The following ANKRD11 variants were observed in gnomAD, a reference collection of about 807,000 sequenced individuals.
The protein encoded by ANKRD11 is ankyrin repeat domain-containing protein 11.
In ANKRD11, 17 loss-of-function variants were observed where a neutral mutation model predicts 195.7. The observed-to-expected ratio is 0.09, with a 90% CI of 0.06 to 0.13. The LOEUF is 0.13. ANKRD11 is among the 10% of genes least tolerant of loss of function. ANKRD11 has a pLI of 1.00. For synonymous variants in ANKRD11, 1,953 were observed against 1,528.1 expected (o/e 1.28, Z -6.49); for missense variants, 3,735 against 3,566.1 (o/e 1.05, Z -1.21).
intron 2 of ANKRD11, among the ~76,000 whole-genome samples, chr16:89,359,555 T>C (rs562199196): frequency 1.3e-5 from 2 of 152,332 alleles, no homozygotes; most frequent in South Asian, 4.1e-4. Flanking sequence ...TCTTGATTCT[T>C]CAGGCTAATC....
At chr16:89,445,345 A>G (rs967801827) in intron 1 of ANKRD11, among the ~76,000 whole-genome samples, 1 of 152,178 alleles carries the variant, frequency 6.6e-6, no homozygotes, top group Non-Finnish European at 1.5e-5. Flanking sequence ...CCACTGGCTG[A>G]GCAAATTCAG....
chr16:89,436,409 G>A (rs1597397279), intron 1 of ANKRD11, among the ~76,000 whole-genome samples: 1 of 117,856 alleles, frequency 8.5e-6, no homozygotes, highest in South Asian at 2.8e-4. Context: ...AGTGAGACTC[G>A]GTCTCAAAAA....
At chr16:89,327,299 T>C (rs1195580212) in intron 2 of ANKRD11, among the ~76,000 whole-genome samples, 2 of 151,162 alleles carry the variant, frequency 1.3e-5, no homozygotes, top group South Asian at 2.1e-4. Context: ...AAAACAGGAG[T>C]GTGGAGAAAC....
At chr16:89,272,250 C>T (rs1277219522) in intron 11 of ANKRD11, 6 of 152,182 alleles carry the variant, frequency 3.9e-5, no homozygotes, top group Non-Finnish European at 7.4e-5. Flanking sequence ...ATCACAATTG[C>T]TCGCGAGGAT....
chr16:89,463,364 A>T (rs952897211), intron 1 of ANKRD11, among the ~76,000 whole-genome samples: 8 of 152,290 alleles, frequency 5.3e-5, no homozygotes, highest in African/African-American at 1.7e-4. Context: ...TTGATCTGTG[A>T]CCTTGCCCCC....
At chr16:89,313,667 C>A in intron 3 of ANKRD11, 1 of 1,198,250 alleles carries the variant, frequency 8.3e-7, no homozygotes, top group Non-Finnish European at 1.1e-6. Context: ...TGAGCAGAAA[C>A]CATTTCAGCC....
intron 2 of ANKRD11, among the ~76,000 whole-genome samples, chr16:89,389,911 T>C (rs1410162549): frequency 2.4e-5 from 1 of 41,502 alleles, no homozygotes; most frequent in Non-Finnish European, 4.3e-5. Flanking sequence ...CCGAGAGAGA[T>C]CACTGGGGCG....
At chr16:89,311,858 A>C (rs566950828) in intron 3 of ANKRD11, among the ~76,000 whole-genome samples, 37 of 152,108 alleles carry the variant, frequency 2.4e-4, no homozygotes, top group Non-Finnish European at 4.4e-4. Flanking sequence ...TTTTTGCTTT[A>C]TTCTAATAAT....
chr16:89,352,872 T>G (rs2039286751), intron 2 of ANKRD11, among the ~76,000 whole-genome samples: 1 of 152,216 alleles, frequency 6.6e-6, no homozygotes, highest in African/African-American at 2.4e-5. Flanking sequence ...CTTTCCCTCT[T>G]TTCTCTCACG....
chr16:89,461,423 ATT>A (rs2056665012), intron 1 of ANKRD11, among the ~76,000 whole-genome samples: 1 of 152,120 alleles, frequency 6.6e-6, no homozygotes, highest in African/African-American at 2.4e-5. Flanking sequence ...CAAATGGTCA[ATT>A]TTATACTGCT....
intron 2 of ANKRD11, among the ~76,000 whole-genome samples, chr16:89,397,999 G>A (rs1261531266): frequency 1.3e-5 from 2 of 152,236 alleles, no homozygotes; most frequent in East Asian, 3.8e-4. Context: ...ACCACAAAGC[G>A]CCTGTCACCA....
chr16:89,283,861 G>T lies in ANKRD11; in HGVS notation c.2681C>A (p.Ala894Asp), dbSNP rs748150580. 4 of 1,614,000 alleles carry T rather than the reference G, an allele frequency of 2.5e-6. No homozygotes were observed. Among genetic ancestry groups the T allele is most frequent in the Non-Finnish European group, 2.5e-6 (3 of 1,180,010 alleles). ...CTCTCTGTAGTCTCGCTTCTCCCGGGCCCGGCTGTCCCGCCTCCTCTCCTT... is the reference window on the plus strand; with the variant it reads ...CTCTCTGTAGTCTCGCTTCTCCCGGTCCCGGCTGTCCCGCCTCCTCTCCTT... ...DSKERRRDSR[A>D]REKRDYREPF... Residue 894 changes from alanine (A) to aspartate (D), a missense_variant, in exon 9 of 13, where the codon GCC becomes GAC. Ala to Asp is a moderately radical substitution (Grantham distance 126, BLOSUM62 -2). Coordinates refer to ENST00000301030, the MANE Select transcript of ANKRD11 (RefSeq NM_013275.6). This position sits in a 1 kb window ranked among gnomAD's most constrained non-coding sequence, Gnocchi z 4.3.
Position 89,285,709 on chromosome 16 carries a change from G to T in ANKRD11, c.893-60C>A. The T allele has an allele frequency of 6.4e-7, 1 of 1,563,828 alleles. No individual in the cohort carries two copies. Among genetic ancestry groups the T allele is most frequent in the Non-Finnish European group, 8.8e-7 (1 of 1,134,754 alleles). ...GCTCAAAACAGCTCTCCCCAGAATG[G>T]CAGAGGAGGGAGGCTCTGCAGATGT... On this transcript the variant is annotated intron_variant, in intron 8 of 12. Coordinates refer to ENST00000301030, the MANE Select transcript of ANKRD11 (RefSeq NM_013275.6). The surrounding 1 kb of genome is among the most constrained non-coding windows in gnomAD (Gnocchi z 5.6).
chr16:89,323,896 C>T (rs1293963993), intron 2 of ANKRD11: 2 of 217,386 alleles, frequency 9.2e-6, no homozygotes, highest in South Asian at 6.2e-5. Context: ...CTGGCCAAGG[C>T]CAGGCAGGCA....
At chr16:89,369,315 C>T (rs184468534) in intron 2 of ANKRD11, among the ~76,000 whole-genome samples, 1 of 152,342 alleles carries the variant, frequency 6.6e-6, no homozygotes, top group East Asian at 1.9e-4. Context: ...GTGTTCACAG[C>T]AGCGCTGCAA....
At chr16:89,314,366 C>T (rs1301725075) in intron 3 of ANKRD11, among the ~76,000 whole-genome samples, 2 of 152,204 alleles carry the variant, frequency 1.3e-5, no homozygotes, top group East Asian at 1.9e-4. Context: ...TCACAGCACA[C>T]GTGTGAACAG....
intron 3 of ANKRD11, among the ~76,000 whole-genome samples, chr16:89,306,647 G>GCGC (rs201462308): frequency 1.1e-5 from 1 of 94,608 alleles, no homozygotes; most frequent in African/African-American, 4.8e-5. Context: ...CCGCAGACAC[G>GCGC]CACCACCTCC....
At chr16:89,379,435 C>T (rs1332604707) in intron 2 of ANKRD11, among the ~76,000 whole-genome samples, 3 of 152,214 alleles carry the variant, frequency 2.0e-5, no homozygotes, top group Admixed American at 2.0e-4. Context: ...TGCTCCACAC[C>T]CTGTCAGGGC....
At chr16:89,335,514 G>A (rs1156945009) in intron 2 of ANKRD11, among the ~76,000 whole-genome samples, 9 of 152,224 alleles carry the variant, frequency 5.9e-5, no homozygotes, top group African/African-American at 2.2e-4. Context: ...CTCTCCCTAT[G>A]AACGCTATAC....
Sources: gnomAD v4.1 joint callset for allele counts (sites outside exome capture counted in the v4.1 genomes callset) on GRCh38, gnomAD v4.1.1 for gene constraint, Gnocchi (gnomAD v3.1) non-coding constraint, MANE v1.5 for transcripts, NCBI Gene and HGNC (gene_info 2026-07-23, HGNC 2026-07-21) for gene names.